GABRR3: variants seen among roughly 807,000 people sequenced by gnomAD.
The protein encoded by GABRR3 is gamma-aminobutyric acid receptor subunit rho-3.
GABRR3 carries 29 observed loss-of-function variants against 43.2 expected under a neutral mutation model. The ratio of observed to expected loss-of-function variants is 0.67; its 90% CI spans 0.50 to 0.92. The LOEUF is 0.92. Ranked by LOEUF, GABRR3 falls within the 40% of genes least tolerant of loss-of-function variation. GABRR3 has a pLI of 0.00. For missense variants in GABRR3, 576 were observed against 572.3 expected, an observed-to-expected ratio of 1.01 and a Z score of -0.07; for synonymous variants, 206 against 195.9, an observed-to-expected ratio of 1.05 and a Z score of -0.43.
chr3:97,991,799 A>T (rs1419230299), intron 9 of GABRR3, among the ~76,000 whole-genome samples: 2 of 152,214 alleles, frequency 1.3e-5, no homozygotes, highest in East Asian at 3.8e-4. Flanking sequence ...ATGCTCTCAG[A>T]AGTAGAAAAA....
At chr3:97,989,523 G>A (rs1462761092) in intron 9 of GABRR3, among the ~76,000 whole-genome samples, 3 of 151,818 alleles carry the variant, frequency 2.0e-5, no homozygotes, top group African/African-American at 7.3e-5. Context: ...GTGGTGGATG[G>A]TAGTAGTAAT....
At chr3:98,005,456 A>C (rs891403450) in intron 7 of GABRR3, among the ~76,000 whole-genome samples, 1 of 152,152 alleles carries the variant, frequency 6.6e-6, no homozygotes, top group South Asian at 2.1e-4. Context: ...TAGGAACCAA[A>C]ATGATATTTC....
chr3:98,028,825 C>T lies in GABRR3; in HGVS notation c.126-3146G>A, dbSNP rs190031310. 2.2e-3 allele frequency among the ~76,000 whole-genome samples: 338 copies of T among 152,170 alleles called. 4 individuals carry two copies. The highest frequency in any genetic ancestry group is 3.1e-3 in the Non-Finnish European group (209 of 67,988). On this transcript the variant is annotated intron_variant, in intron 2 of 9. Coordinates refer to ENST00000621172, the Ensembl canonical transcript of GABRR3. ...ACATTGTACCCCAGGAGGATAGACA[C>T]CCTCGTTTGAAGGCCTCTGATGCAT...
Position 98,016,699 on chromosome 3 carries a change from CAA to C in GABRR3, c.306+954_306+955del, listed in dbSNP as rs1706876528. Among the ~76,000 whole-genome samples, 3 of 151,952 alleles carry C rather than the reference CAA, an allele frequency of 2.0e-5. No individual in the cohort carries two copies. In the South Asian group the frequency reaches 6.2e-4, roughly 32 times the overall value. On this transcript the variant is annotated intron_variant, in intron 4 of 9. Transcript: ENST00000621172. ...AAACTACATTAACAAATTAATAGAT[CAA>C]GAGTGAGTAAAAAGGAAATATATCT...
intron 8 of GABRR3, among the ~76,000 whole-genome samples, chr3:97,997,178 G>C (rs922518557): frequency 1.3e-5 from 2 of 152,170 alleles, no homozygotes; most frequent in East Asian, 3.9e-4. Flanking sequence ...GTTCAAAGAT[G>C]AGAGAGACCA....
At chr3:97,990,287 A>G (rs1188057386) in intron 9 of GABRR3, among the ~76,000 whole-genome samples, 2 of 152,088 alleles carry the variant, frequency 1.3e-5, no homozygotes, top group African/African-American at 4.8e-5. Context: ...GGGGTTTAGG[A>G]GACTTAACCT....
intron 8 of GABRR3, among the ~76,000 whole-genome samples, chr3:97,997,012 C>A (rs1706570570): frequency 6.6e-6 from 1 of 152,130 alleles, no homozygotes; most frequent in Non-Finnish European, 1.5e-5. Flanking sequence ...GTGCTACTCG[C>A]TGAAGGAACA....
exon 7 of GABRR3, chr3:98,007,861 T>A (rs773036272): frequency 1.2e-6 from 2 of 1,605,150 alleles, no homozygotes; most frequent in Non-Finnish European, 1.7e-6. Context: ...AGGACTTGTT[T>A]CCGTGTTTCC....
chr3:97,988,901 G>A (rs906854393), intron 9 of GABRR3, among the ~76,000 whole-genome samples: 1 of 151,046 alleles, frequency 6.6e-6, no homozygotes, highest in African/African-American at 2.4e-5. Flanking sequence ...GGATAGTGGT[G>A]GTGGGTGGTG....
chr3:98,009,235 CAG>C (rs1706759183), intron 5 of GABRR3, among the ~76,000 whole-genome samples, 197 bp from the exon 6 acceptor site: 1 of 152,284 alleles, frequency 6.6e-6, no homozygotes, highest in South Asian at 2.1e-4. Flanking sequence ...TCTTAAGACA[CAG>C]AGTCAATGAG....
chr3:98,016,375 C>A (rs192424035), intron 4 of GABRR3, among the ~76,000 whole-genome samples: 1 of 152,200 alleles, frequency 6.6e-6, no homozygotes, highest in East Asian at 1.9e-4. Context: ...CCTCCCCCAC[C>A]CCCCATTCCT....
intron 7 of GABRR3, among the ~76,000 whole-genome samples, chr3:98,004,198 C>A (rs1247598673): frequency 6.6e-6 from 1 of 152,084 alleles, no homozygotes; most frequent in Non-Finnish European, 1.5e-5. Flanking sequence ...TGAAAAGGAT[C>A]AAAATAATGT....
chr3:98,031,484 C>T lies in GABRR3; in HGVS notation c.125+3379G>A, dbSNP rs1371674416. ...AAGGCTGTGGGCACGGTGGCTCATG[C>T]CTATAATCCCAGCACTTTGGGAGGC... is the stretch of plus-strand genomic sequence containing the variant. On this transcript the variant is annotated intron_variant, in intron 2 of 9. Coordinates refer to ENST00000621172, the Ensembl canonical transcript of GABRR3. 2.0e-5 allele frequency among the ~76,000 whole-genome samples: 3 copies of T among 152,188 alleles called. No homozygotes were observed. In the East Asian group the frequency reaches 5.8e-4, roughly 29 times the overall value.
intron 7 of GABRR3, among the ~76,000 whole-genome samples, chr3:98,004,513 C>A (rs1237571789): frequency 1.3e-5 from 2 of 151,998 alleles, no homozygotes; most frequent in Non-Finnish European, 2.9e-5. Flanking sequence ...TTATTCAATG[C>A]ATCCCTTAGG....
At chr3:98,015,030 A>T (rs908763490) in intron 4 of GABRR3, among the ~76,000 whole-genome samples, 1 of 152,246 alleles carries the variant, frequency 6.6e-6, no homozygotes, top group African/African-American at 2.4e-5. Flanking sequence ...TTTTATAAGA[A>T]CACACATGTA....
intron 4 of GABRR3, among the ~76,000 whole-genome samples, chr3:98,013,058 T>C (rs1706822903): frequency 6.6e-6 from 1 of 152,228 alleles, no homozygotes; most frequent in Non-Finnish European, 1.5e-5. Context: ...ATACAGTGTT[T>C]ATTAGAGCTA....
At chr3:98,029,427 GA>G (rs1707059424) in intron 2 of GABRR3, among the ~76,000 whole-genome samples, 1 of 152,164 alleles carries the variant, frequency 6.6e-6, no homozygotes, top group African/African-American at 2.4e-5. Flanking sequence ...GAGGGTCTTT[GA>G]GGAGGACATA....
intron 2 of GABRR3, among the ~76,000 whole-genome samples, chr3:98,033,953 T>C (rs1327091199): frequency 6.6e-6 from 1 of 152,246 alleles, no homozygotes; most frequent in East Asian, 1.9e-4. Flanking sequence ...TTATCAAAAT[T>C]TTATGTTCTC....
intron 3 of GABRR3, among the ~76,000 whole-genome samples, chr3:98,025,205 C>T (rs1352790693): frequency 2.0e-5 from 3 of 152,196 alleles, no homozygotes; most frequent in African/African-American, 7.2e-5. Flanking sequence ...ACTAATTCTT[C>T]CCCCAAAGCA....
Sources: gnomAD v4.1 joint callset for allele counts (sites outside exome capture counted in the v4.1 genomes callset) on GRCh38, gnomAD v4.1.1 for gene constraint, MANE v1.5 for transcripts, NCBI Gene and HGNC (gene_info 2026-07-23, HGNC 2026-07-21) for gene names.